Variants in C7orf78 observed in about 807,000 individuals in gnomAD.
C7orf78 encodes chromosome 7 open reading frame 78.
the C7orf78 span, chr7:12,540,788 G>A: frequency 6.6e-6 from 1 of 152,202 alleles, no homozygotes; most frequent in African/African-American, 2.4e-5. Context: ...GTGAATAAGA[G>A]GATTAAGCAA....
the C7orf78 span, chr7:12,507,029 C>T: frequency 1.6e-5 from 7 of 431,768 alleles, no homozygotes; most frequent in African/African-American, 4.1e-5. Flanking sequence ...AAGGGCCGGG[C>T]GCGGTGTCAC....
chr7:12,483,347 G>A, the C7orf78 span: 1 of 152,154 alleles, frequency 6.6e-6, no homozygotes, highest in Non-Finnish European at 1.5e-5. Context: ...AGTTGGGCAT[G>A]GAGCTTTTCA....
chr7:12,501,341 C>T, the C7orf78 span, among the ~76,000 whole-genome samples: 21,361 of 147,286 alleles, frequency 0.15, 1,707 homozygotes, highest in Middle Eastern at 0.24. Flanking sequence ...CCCATTGTCT[C>T]AGCCCAAAAT....
the C7orf78 span, chr7:12,491,252 G>C: frequency 0.34 from 51,141 of 151,958 alleles, 9,166 homozygotes; most frequent in East Asian, 0.59. Context: ...ATGTGCATAG[G>C]GATGTCTAGA....
At chr7:12,536,294 A>G in the C7orf78 span, among the ~76,000 whole-genome samples, 1 of 152,088 alleles carries the variant, frequency 6.6e-6, no homozygotes, top group Non-Finnish European at 1.5e-5. Context: ...CAGGCTCAAC[A>G]CCATGTGGAA....
the C7orf78 span, among the ~76,000 whole-genome samples, chr7:12,537,938 CATT>C: frequency 6.6e-6 from 1 of 151,984 alleles, no homozygotes; most frequent in Non-Finnish European, 1.5e-5. Flanking sequence ...GTATATACTG[CATT>C]ATTATTCCAT....
the C7orf78 span, among the ~76,000 whole-genome samples, chr7:12,525,195 C>T: frequency 6.6e-6 from 1 of 151,974 alleles, no homozygotes; most frequent in Non-Finnish European, 1.5e-5. Flanking sequence ...CTGTTTTGTG[C>T]CACGTTTACT....
At chr7:12,504,357 A>C in the C7orf78 span, 2 of 152,074 alleles carry the variant, frequency 1.3e-5, no homozygotes, top group Non-Finnish European at 2.9e-5. Context: ...TTCTTTTTCT[A>C]CTCTGACTTG....
chr7:12,539,906 G>A, the C7orf78 span, among the ~76,000 whole-genome samples: 1 of 152,174 alleles, frequency 6.6e-6, no homozygotes, highest in Non-Finnish European at 1.5e-5. Context: ...GTCATGATCT[G>A]GTGAGTTTCA....
chr7:12,514,343 T>C, the C7orf78 span, among the ~76,000 whole-genome samples: 1 of 152,172 alleles, frequency 6.6e-6, no homozygotes, highest in African/African-American at 2.4e-5. Flanking sequence ...TAACTTAGTC[T>C]GTTTTATCTG....
the C7orf78 span, among the ~76,000 whole-genome samples, chr7:12,486,164 C>A: frequency 0.06 from 9,156 of 152,098 alleles, 303 homozygotes; most frequent in Middle Eastern, 0.075. Context: ...CTGATATAAT[C>A]TTGAATAAGT....
At chr7:12,494,474 G>C in the C7orf78 span, among the ~76,000 whole-genome samples, 2 of 152,126 alleles carry the variant, frequency 1.3e-5, no homozygotes, top group African/African-American at 2.4e-5. Context: ...AAAAGGGAGA[G>C]AAAAAACACA....
the C7orf78 span, among the ~76,000 whole-genome samples, chr7:12,493,498 G>A: frequency 0.33 from 50,072 of 152,062 alleles, 8,719 homozygotes; most frequent in East Asian, 0.52. Flanking sequence ...CAAAATTTCT[G>A]ACTCAGCAGG....
the C7orf78 span, among the ~76,000 whole-genome samples, chr7:12,538,016 G>C: frequency 1.3e-5 from 2 of 152,198 alleles, no homozygotes; most frequent in Admixed American, 1.3e-4. Flanking sequence ...TTGGTTTGAA[G>C]GAAAGGAGTA....
At chr7:12,511,283 C>G in the C7orf78 span, among the ~76,000 whole-genome samples, 1 of 151,962 alleles carries the variant, frequency 6.6e-6, no homozygotes, top group African/African-American at 2.4e-5. Flanking sequence ...TTTGATTACT[C>G]TAGATTTGTA....
chr7:12,525,166 T>C, the C7orf78 span, among the ~76,000 whole-genome samples: 1 of 152,166 alleles, frequency 6.6e-6, no homozygotes, highest in Non-Finnish European at 1.5e-5. Context: ...CCCTGTTTAA[T>C]TTCTGCTTGG....
the C7orf78 span, among the ~76,000 whole-genome samples, chr7:12,518,537 C>G: frequency 6.6e-6 from 1 of 152,098 alleles, no homozygotes; most frequent in Non-Finnish European, 1.5e-5. Context: ...TCCCCGAGCT[C>G]CTAGATGGCA....
the C7orf78 span, chr7:12,487,042 T>C: frequency 6.6e-6 from 1 of 152,022 alleles, no homozygotes; most frequent in Non-Finnish European, 1.5e-5. Context: ...ACATTTCTGC[T>C]TCTGTCATGT....
At chr7:12,502,293 G>T in the C7orf78 span, among the ~76,000 whole-genome samples, 3 of 122,810 alleles carry the variant, frequency 2.4e-5, no homozygotes, top group African/African-American at 9.3e-5. Context: ...GAGTGAACAG[G>T]CAACCTACAA....
Sources: allele counts gnomAD v4.1 joint callset (sites outside exome capture counted in the v4.1 genomes callset), GRCh38; gene constraint gnomAD v4.1.1; transcripts MANE v1.5; gene names NCBI Gene and HGNC (gene_info 2026-07-23, HGNC 2026-07-21).